Variants in SMIM7 observed in about 807,000 individuals in gnomAD.
The protein encoded by SMIM7 is small integral membrane protein 7.
In SMIM7, 12 loss-of-function variants were observed where a neutral mutation model predicts 13.3. That is an observed-to-expected ratio of 0.90 (90% CI 0.58 to 1.46). SMIM7 has a LOEUF of 1.46. SMIM7 is among the 40% of genes most tolerant of loss of function. SMIM7 has a pLI of 0.00. For synonymous variants in SMIM7, 36 were observed against 35.8 expected (o/e 1.01, Z -0.02); for missense variants, 114 against 94.8 (o/e 1.20, Z -0.84).
intron 2 of SMIM7, 127 bp downstream of exon 2, chr19:16,659,832 C>G: frequency 7.0e-6 from 9 of 1,288,968 alleles, no homozygotes; most frequent in Non-Finnish European, 9.7e-6. Context: ...GAGGCGTGCC[C>G]AGAGGGCGGA....
intron 4 of SMIM7, chr19:16,634,251 G>C (rs1361495372): frequency 2.6e-5 from 4 of 152,132 alleles, no homozygotes; most frequent in African/African-American, 7.2e-5. Context: ...ATGTGTCAGG[G>C]TCCATGCTGG....
At chr19:16,659,522 G>A in intron 2 of SMIM7, 75 bp from the exon 3 acceptor site, 1 of 1,457,460 alleles carries the variant, frequency 6.9e-7, no homozygotes, top group Non-Finnish European at 9.5e-7. Context: ...CAGCTCAGAA[G>A]GCCACAAACA....
chr19:16,652,760 AC>A, intron 4 of SMIM7: 1 of 1,487,942 alleles, frequency 6.7e-7, no homozygotes, highest in South Asian at 1.4e-5. Flanking sequence ...AGTCTCAATC[AC>A]TCAGGACAGA....
intron 2 of SMIM7, 173 bp downstream of exon 2, chr19:16,659,786 T>C: frequency 1.2e-6 from 1 of 832,106 alleles, no homozygotes; most frequent in Non-Finnish European, 1.9e-6. Context: ...TTAAGGTCTC[T>C]CGGGGGGTGG....
At position 16,646,285 on chromosome 19, in the gene SMIM7, A is replaced by G. The variant is rs1240068790; in HGVS notation, c.*961T>C. ...AACATTCAGGCTCATTCTTATTGGT[A>G]TAAACAAACAAACAAAAAAACCAGA... is the stretch of plus-strand genomic sequence containing the variant. On this transcript the variant is annotated 3_prime_UTR_variant, in exon 5 of 5. Coordinates refer to ENST00000487416, the MANE Select transcript of SMIM7 (RefSeq NM_024104.4). The G allele has an allele frequency of 6.6e-6, 1 of 152,198 alleles. No individual in the cohort carries two copies. Among genetic ancestry groups the G allele is most frequent in the Non-Finnish European group, 1.5e-5 (1 of 68,034 alleles). The allele number at this position is 152,198 out of a possible 1,614,324, so 9.4% of individuals were successfully genotyped here. A position where few individuals can be genotyped will look rare whatever the true frequency, so the allele number is the denominator to read the frequency against.
At chr19:16,647,382 G>C in intron 4 of SMIM7, 121 bp from the exon 5 acceptor site, 2 of 1,224,366 alleles carry the variant, frequency 1.6e-6, no homozygotes, top group Non-Finnish European at 2.4e-6. Flanking sequence ...ATGATTGTCT[G>C]ATTTTTTAAA....
downstream of SMIM7, among the ~76,000 whole-genome samples, chr19:16,642,823 CTTTTT>C (rs11323250): frequency 1.5e-5 from 2 of 133,518 alleles, no homozygotes; most frequent in Admixed American, 7.6e-5. Flanking sequence ...GAGACCTTAT[CTTTTT>C]TTTTTTTTTT....
At chr19:16,656,259 G>A (rs1435299534) in intron 3 of SMIM7, among the ~76,000 whole-genome samples, 5 of 152,064 alleles carry the variant, frequency 3.3e-5, no homozygotes, top group South Asian at 2.1e-4. Context: ...GTGGTGGCGC[G>A]TGCCTGTAAT....
chr19:16,651,268 C>T (rs1401911682), intron 4 of SMIM7, among the ~76,000 whole-genome samples: 2 of 152,182 alleles, frequency 1.3e-5, no homozygotes, highest in Admixed American at 6.5e-5. Context: ...CTCTGCAAGC[C>T]ATGTCATCTC....
chr19:16,647,748 G>T (rs989542508), intron 4 of SMIM7, among the ~76,000 whole-genome samples: 1 of 152,016 alleles, frequency 6.6e-6, no homozygotes, highest in Non-Finnish European at 1.5e-5. Context: ...GAGCCACTCC[G>T]CACAGCCAAC....
chr19:16,632,728 C>T (rs111879730), intron 4 of SMIM7, among the ~76,000 whole-genome samples: 11 of 151,974 alleles, frequency 7.2e-5, no homozygotes, highest in African/African-American at 2.7e-4. Flanking sequence ...GATGCGGTTT[C>T]GTCATGTTGG....
At chr19:16,649,822 C>T (rs1343330557) in intron 4 of SMIM7, among the ~76,000 whole-genome samples, 2 of 152,090 alleles carry the variant, frequency 1.3e-5, no homozygotes, top group African/African-American at 2.4e-5. Context: ...CAGGCTACAA[C>T]GTGGATGAAC....
chr19:16,646,884 C>T lies in SMIM7; in HGVS notation c.*362G>A, dbSNP rs888215259. The T allele has an allele frequency of 4.8e-5, 15 of 310,992 alleles. No individual in the cohort carries two copies. Among genetic ancestry groups the T allele is most frequent in the African/African-American group, 3.3e-4 (15 of 46,106 alleles). 19.3% of individuals were successfully genotyped at this position (310,992 alleles called of 1,614,324 possible). Reference sequence around the variant, plus strand: ...AGACTCAGCAAGTAACACTGAATGTCCAAAAATACGGCTGTGTTAAACTAA... The same window carrying T: ...AGACTCAGCAAGTAACACTGAATGTTCAAAAATACGGCTGTGTTAAACTAA... On this transcript the variant is annotated 3_prime_UTR_variant, in exon 5 of 5. Coordinates refer to ENST00000487416, the MANE Select transcript of SMIM7 (RefSeq NM_024104.4).
intron 4 of SMIM7, among the ~76,000 whole-genome samples, chr19:16,635,644 G>A (rs1172101336): frequency 6.6e-6 from 1 of 151,894 alleles, no homozygotes; most frequent in African/African-American, 2.4e-5. Flanking sequence ...CACTTTGAGA[G>A]GCCGAGGCGG....
At chr19:16,655,660 G>A (rs1395187800) in intron 3 of SMIM7, among the ~76,000 whole-genome samples, 1 of 114,382 alleles carries the variant, frequency 8.7e-6, no homozygotes, top group Non-Finnish European at 1.6e-5. Context: ...CAGCCTGGGT[G>A]ACACAGCAAG....
At chr19:16,637,328 C>A (rs1599358880) in intron 4 of SMIM7, among the ~76,000 whole-genome samples, 2 of 152,050 alleles carry the variant, frequency 1.3e-5, no homozygotes, top group Non-Finnish European at 2.9e-5. Flanking sequence ...CCAGCCTGGG[C>A]AACATAGTGA....
intron 4 of SMIM7, among the ~76,000 whole-genome samples, chr19:16,651,749 G>A (rs575788405): frequency 6.6e-5 from 10 of 150,884 alleles, no homozygotes; most frequent in Non-Finnish European, 1.3e-4. Context: ...TTGCAAAGAC[G>A]AGAATGAGAG....
At chr19:16,659,594 T>C in intron 2 of SMIM7, 147 bp from the exon 3 acceptor site, 1 of 778,172 alleles carries the variant, frequency 1.3e-6, no homozygotes, top group Non-Finnish European at 2.1e-6. Flanking sequence ...TCAATACCCT[T>C]CTCTGGGCCC....
chr19:16,643,585 T>G (rs9305081), downstream of SMIM7, among the ~76,000 whole-genome samples: 2 of 152,070 alleles, frequency 1.3e-5, no homozygotes, highest in Non-Finnish European at 2.9e-5. Context: ...TTAGTAGAGA[T>G]AGGGTTTCAC....
Sources: gnomAD v4.1 joint callset for allele counts (sites outside exome capture counted in the v4.1 genomes callset) on GRCh38, gnomAD v4.1.1 for gene constraint, MANE v1.5 for transcripts, NCBI Gene and HGNC (gene_info 2026-07-23, HGNC 2026-07-21) for gene names.